The following SLC1A7 variants were observed in gnomAD, a reference collection of about 807,000 sequenced individuals.
SLC1A7 encodes excitatory amino acid transporter 5.
A neutral mutation model predicts 47.7 loss-of-function variants in SLC1A7; 40 were observed. The ratio of observed to expected loss-of-function variants is 0.84; its 90% CI spans 0.65 to 1.09. The LOEUF is 1.09. Ranked by LOEUF, SLC1A7 falls within the 50% of genes least tolerant of loss-of-function variation. The pLI, the probability that SLC1A7 is intolerant of heterozygous loss-of-function variation, is 0.00. For synonymous variants in SLC1A7, 323 were observed against 325.6 expected (o/e 0.99, Z 0.09); for missense variants, 746 against 769.5 (o/e 0.97, Z 0.36).
intron 2 of SLC1A7, among the ~76,000 whole-genome samples, chr1:53,118,913 CT>C (rs1644790764): frequency 1.3e-5 from 2 of 152,178 alleles, no homozygotes; most frequent in African/African-American, 4.8e-5. Context: ...AGGAGAATCG[CT>C]TGAACCTGGG....
At chr1:53,113,617 T>C (rs991106339) in intron 3 of SLC1A7, among the ~76,000 whole-genome samples, 1 of 152,126 alleles carries the variant, frequency 6.6e-6, no homozygotes, top group African/African-American at 2.4e-5. Flanking sequence ...CACTTGGCCC[T>C]GTCCCTGGCT....
chr1:53,096,465 TACAC>T (rs1337101552), intron 5 of SLC1A7, among the ~76,000 whole-genome samples: 1 of 113,542 alleles, frequency 8.8e-6, no homozygotes, highest in Non-Finnish European at 1.9e-5. Flanking sequence ...TCATTACAAT[TACAC>T]ACCCCACCTT....
chr1:53,095,554 G>A (rs561000569), intron 5 of SLC1A7, among the ~76,000 whole-genome samples: 18 of 138,568 alleles, frequency 1.3e-4, no homozygotes, highest in Admixed American at 5.0e-4. Context: ...CACTCAACTC[G>A]CCTTGGTACA....
chr1:53,093,661 C>T, intron 5 of SLC1A7, 101 bp from the exon 6 acceptor site: 1 of 671,278 alleles, frequency 1.5e-6, no homozygotes, highest in Non-Finnish European at 2.5e-6. Context: ...GATGCTCCAG[C>T]ACTCCCCCCA....
At chr1:53,115,355 T>C (rs1029352844) in intron 2 of SLC1A7, 4 of 254,472 alleles carry the variant, frequency 1.6e-5, no homozygotes, top group African/African-American at 8.8e-5. Flanking sequence ...TTCACTCTCC[T>C]GACCCCTGCC....
chr1:53,100,680 G>A (rs1228045626), intron 5 of SLC1A7, among the ~76,000 whole-genome samples: 4 of 109,280 alleles, frequency 3.7e-5, no homozygotes, highest in South Asian at 3.1e-4. Flanking sequence ...GACTTGCCTC[G>A]GTACACTCAC....
chr1:53,091,700 C>T (rs374506848), intron 7 of SLC1A7, among the ~76,000 whole-genome samples: 14 of 152,266 alleles, frequency 9.2e-5, no homozygotes, highest in African/African-American at 1.9e-4. Flanking sequence ...GGGCATTTTA[C>T]AGATGGAAAA....
chr1:53,116,489 T>C (rs977621334), intron 2 of SLC1A7, among the ~76,000 whole-genome samples: 1 of 152,216 alleles, frequency 6.6e-6, no homozygotes, highest in African/African-American at 2.4e-5. Flanking sequence ...CAATCTCTGC[T>C]CATCCTCATC....
intron 3 of SLC1A7, among the ~76,000 whole-genome samples, chr1:53,112,721 T>A (rs1644713170): frequency 6.6e-6 from 1 of 152,200 alleles, no homozygotes. Context: ...ATGCTTCCCA[T>A]GGGCCAGACA....
chr1:53,109,799 T>C (rs1644683493), intron 3 of SLC1A7, among the ~76,000 whole-genome samples: 1 of 152,158 alleles, frequency 6.6e-6, no homozygotes, highest in Non-Finnish European at 1.5e-5. Flanking sequence ...TGTCCGTCTG[T>C]CCTAAGATGG....
intron 8 of SLC1A7, 33 bp downstream of exon 8, chr1:53,090,578 GC>G (rs1056991045): frequency 3.9e-6 from 6 of 1,526,642 alleles, no homozygotes; most frequent in Non-Finnish European, 4.4e-6. Flanking sequence ...CCCAGCCCCC[GC>G]CCCATCCACC....
chr1:53,133,494 C>T (rs1299884292), intron 2 of SLC1A7, among the ~76,000 whole-genome samples: 1 of 152,160 alleles, frequency 6.6e-6, no homozygotes. Flanking sequence ...GGCTGGGAGG[C>T]AGAACGCATG....
intron 3 of SLC1A7, 43 bp from the exon 4 acceptor site, chr1:53,105,817 C>G: frequency 6.4e-7 from 1 of 1,568,426 alleles, no homozygotes; most frequent in East Asian, 2.2e-5. Context: ...GAGCCCAGGA[C>G]AGGAGGGCCC....
chr1:53,106,420 C>T lies in SLC1A7; in HGVS notation c.432-646G>A, dbSNP rs368992769. 1.3e-4 allele frequency among the ~76,000 whole-genome samples: 20 copies of T among 151,570 alleles called. No homozygotes were observed. The East Asian group carries it at 1.4e-3, about 10-fold the overall frequency. On this transcript the variant is annotated intron_variant, in intron 3 of 10. Transcript: ENST00000371494. ...ATCACGAGGTCGGAGATCGAGTCCA[C>T]GGTGAAACCCCGTCTCTACTAAAAA...
intron 5 of SLC1A7, among the ~76,000 whole-genome samples, chr1:53,096,574 CACT>C (rs1644494096): frequency 6.7e-6 from 1 of 148,508 alleles, no homozygotes; most frequent in African/African-American, 2.5e-5. Context: ...TCACACACTC[CACT>C]TCGATACACT....
chr1:53,097,484 T>A, intron 5 of SLC1A7, among the ~76,000 whole-genome samples: 1 of 146,776 alleles, frequency 6.8e-6, no homozygotes, highest in Non-Finnish European at 1.5e-5. Flanking sequence ...CCTGCCTCAG[T>A]ACACTCACAC....
chr1:53,122,264 C>G (rs1010028569), intron 2 of SLC1A7, among the ~76,000 whole-genome samples: 2 of 152,266 alleles, frequency 1.3e-5, no homozygotes, highest in African/African-American at 4.8e-5. Flanking sequence ...AGCATCCAGT[C>G]ACAACCTCCT....
rs1644634026 is a variant in SLC1A7 at position 53,105,761 on chromosome 1, C to T, written c.445G>A (p.Ala149Thr). The T allele has an allele frequency of 2.5e-6, 4 of 1,613,574 alleles. No individual in the cohort carries two copies. Among genetic ancestry groups the T allele is most frequent in the Non-Finnish European group, 3.4e-6 (4 of 1,179,652 alleles). Reference sequence around the variant, plus strand: ...TTGAATGTGGCTTCTACTAGGTTGGCTGGGAACATGTTCCTAGGAAGAGAA... The same window carrying T: ...TTGAATGTGGCTTCTACTAGGTTGGTTGGGAACATGTTCCTAGGAAGAGAA... The part of the protein sequence containing the change: ...LLDLIRNMFP[A>T]NLVEATFKQY... Residue 149 changes from alanine to threonine, a missense_variant, in exon 4 of 11, where the codon GCC becomes ACC. Ala to Thr is a moderately conservative substitution (Grantham distance 58). Coordinates refer to ENST00000371494, the MANE Select transcript of SLC1A7 (RefSeq NM_006671.6).
intron 3 of SLC1A7, among the ~76,000 whole-genome samples, chr1:53,113,340 G>A (rs1268552087): frequency 1.3e-5 from 2 of 152,006 alleles, no homozygotes; most frequent in Non-Finnish European, 2.9e-5. Flanking sequence ...TCTCCCTGGC[G>A]ATTTCCAAAC....
Sources: gnomAD v4.1 joint callset for allele counts (sites outside exome capture counted in the v4.1 genomes callset) on GRCh38, gnomAD v4.1.1 for gene constraint, MANE v1.5 for transcripts, NCBI Gene and HGNC (gene_info 2026-07-23, HGNC 2026-07-21) for gene names.